Variants in TP63 observed in about 807,000 individuals in gnomAD.
TP63 encodes tumor protein 63.
In TP63, 17 loss-of-function variants were observed where a neutral mutation model predicts 82.8. The ratio of observed to expected loss-of-function variants is 0.21; its 90% CI spans 0.14 to 0.31. The LOEUF (loss-of-function observed/expected upper bound fraction) is 0.31. TP63 is among the 10% of genes least tolerant of loss of function. The probability of loss-of-function intolerance (pLI) is 1.00; values close to 1 mark genes in which losing one functional copy is unlikely to be tolerated. For synonymous variants in TP63, 330 were observed against 321.7 expected (o/e 1.03, Z -0.28); for missense variants, 648 against 895.3 (o/e 0.72, Z 3.52).
intron 4 of TP63, chr3:189,844,109 A>G (rs1421111964): frequency 3.4e-6 from 1 of 294,738 alleles, no homozygotes; most frequent in East Asian, 1.1e-4. Flanking sequence ...ATCAGAACAC[A>G]TTGACCTGAT....
chr3:189,719,414 C>T (rs1037083656), intron 1 of TP63, among the ~76,000 whole-genome samples: 1 of 152,136 alleles, frequency 6.6e-6, no homozygotes, highest in East Asian at 1.9e-4. Context: ...ATTCTTTTTG[C>T]ATCCGATGTA....
At chr3:189,605,861 T>C in the TP63 span, among the ~76,000 whole-genome samples, 1 of 152,206 alleles carries the variant, frequency 6.6e-6, no homozygotes, top group Non-Finnish European at 1.5e-5. Flanking sequence ...AATTTTACAC[T>C]GAGTGTGTTT....
chr3:189,834,591 A>G (rs1712845357), intron 4 of TP63, among the ~76,000 whole-genome samples: 1 of 152,154 alleles, frequency 6.6e-6, no homozygotes, highest in African/African-American at 2.4e-5. Context: ...TATCTCCACA[A>G]TTGCGCTGTG....
At chr3:189,682,554 AT>A (rs1248730650) in intron 1 of TP63, among the ~76,000 whole-genome samples, 374 of 7,724 alleles carry the variant, frequency 0.048, 8 homozygotes, top group African/African-American at 0.11. Context: ...AAAAAAAAAA[AT>A]ATATATATAT....
chr3:189,626,675 C>G (rs535846848), upstream of TP63, among the ~76,000 whole-genome samples: 6 of 152,190 alleles, frequency 3.9e-5, no homozygotes, highest in Non-Finnish European at 7.3e-5. Flanking sequence ...TCAGGCCTCT[C>G]CTGGCCAAAC....
intron 1 of TP63, among the ~76,000 whole-genome samples, chr3:189,669,803 A>T (rs866939577): frequency 1.3e-5 from 2 of 152,170 alleles, no homozygotes; most frequent in Non-Finnish European, 1.5e-5. Flanking sequence ...GCCAATAGAG[A>T]AATAAAATAA....
In TP63 at chr3:189,651,894, C is replaced by A. The variant is rs530935763; in HGVS notation, c.62+20317C>A. ...TGCTTCAGAGGGTGCAAGCTCCAAG[C>A]TTTGGCAGCTTCCACATGTTGTTGG... On this transcript the variant is annotated intron_variant, in intron 1 of 13. Transcript: ENST00000264731. Among the ~76,000 whole-genome samples, 269 of 147,352 alleles carry A rather than the reference C, an allele frequency of 1.8e-3. 15 individuals carry two copies. Among genetic ancestry groups the A allele is most frequent in the Middle Eastern group, 3.4e-3 (1 of 290 alleles).
At chr3:189,733,728 A>C (rs1171871780) in intron 1 of TP63, among the ~76,000 whole-genome samples, 1 of 152,250 alleles carries the variant, frequency 6.6e-6, no homozygotes, top group Non-Finnish European at 1.5e-5. Flanking sequence ...CATATTCAAA[A>C]GTGTCATCTT....
At chr3:189,631,372 G>C (rs1053603962), upstream of TP63, 11 of 1,522,758 alleles carry the variant, frequency 7.2e-6, no homozygotes, top group Non-Finnish European at 9.7e-6. Context: ...GTATGAAGGA[G>C]AGAAGTGCCT....
chr3:189,725,942 C>A (rs1719744993), intron 1 of TP63, among the ~76,000 whole-genome samples: 1 of 151,736 alleles, frequency 6.6e-6, no homozygotes, highest in African/African-American at 2.4e-5. Flanking sequence ...GTAATCCCAG[C>A]TACTTGAGAG....
intron 1 of TP63, among the ~76,000 whole-genome samples, chr3:189,702,188 CTTG>C (rs1021170028): frequency 6.6e-6 from 1 of 152,080 alleles, no homozygotes; most frequent in Non-Finnish European, 1.5e-5. Context: ...TAGTGGGCCT[CTTG>C]TTGTTTTAGT....
chr3:189,708,120 T>TC (rs1299111908), intron 1 of TP63, among the ~76,000 whole-genome samples: 1 of 152,220 alleles, frequency 6.6e-6, no homozygotes, highest in African/African-American at 2.4e-5. Context: ...GTTTTCATGA[T>TC]CTCAATCAGC....
At chr3:189,720,736 GAAAAA>G (rs548352369) in intron 1 of TP63, among the ~76,000 whole-genome samples, 67,389 of 120,768 alleles carry the variant, frequency 0.56, 17,365 homozygotes, top group Middle Eastern at 0.7. Context: ...CTCCGTCTCA[GAAAAA>G]AAAAAAAAAA....
intron 10 of TP63, chr3:189,880,564 T>A: frequency 1.0e-6 from 1 of 988,142 alleles, no homozygotes; most frequent in Non-Finnish European, 1.2e-6. Flanking sequence ...CAGGGAAGCT[T>A]TTGAGCAGGT....
chr3:189,693,706 G>A (rs886224732), intron 1 of TP63, among the ~76,000 whole-genome samples: 2 of 152,162 alleles, frequency 1.3e-5, no homozygotes, highest in African/African-American at 2.4e-5. Context: ...ATGGAAAGCA[G>A]TAGAGGTAGA....
chr3:189,812,509 T>C (rs1727684126), intron 4 of TP63, among the ~76,000 whole-genome samples: 2 of 152,334 alleles, frequency 1.3e-5, no homozygotes, highest in African/African-American at 4.8e-5. Context: ...TCGTTAATCA[T>C]AGGACAGTTG....
the TP63 span, among the ~76,000 whole-genome samples, chr3:189,620,506 C>CAAAAAAAAAAAAAAAAAAAAA: frequency 2.9e-5 from 2 of 68,988 alleles, 1 homozygote; most frequent in Non-Finnish European, 5.5e-5. Context: ...AAGACTCCAT[C>CAAAAAAAAAAAAAAAAAAAAA]AAAAAAAAAA....
At chr3:189,695,653 G>A (rs1717320882) in intron 1 of TP63, among the ~76,000 whole-genome samples, 1 of 152,110 alleles carries the variant, frequency 6.6e-6, no homozygotes, top group Non-Finnish European at 1.5e-5. Flanking sequence ...TACCTATGCT[G>A]ATTTCTCCAA....
chr3:189,878,982 A>G (rs1014477154), intron 10 of TP63, among the ~76,000 whole-genome samples: 2 of 151,758 alleles, frequency 1.3e-5, no homozygotes, highest in African/African-American at 4.8e-5. Flanking sequence ...GAGATTTATT[A>G]TCTCTGAATT....
Sources: gnomAD v4.1 joint callset for allele counts (sites outside exome capture counted in the v4.1 genomes callset) on GRCh38, gnomAD v4.1.1 for gene constraint, MANE v1.5 for transcripts, NCBI Gene and HGNC (gene_info 2026-07-23, HGNC 2026-07-21) for gene names.